GRIK2: variants seen among roughly 807,000 people sequenced by gnomAD.
GRIK2 encodes glutamate receptor ionotropic, kainate 2.
Under a neutral mutation model 100.3 loss-of-function variants are expected in GRIK2, and 32 were observed. The observed-to-expected ratio is 0.32, with a 90% CI of 0.24 to 0.43. The LOEUF (loss-of-function observed/expected upper bound fraction) is 0.43. Among genes scored for constraint, GRIK2 ranks in the 20% least tolerant of loss-of-function variants. GRIK2 has a pLI of 1.00. For synonymous variants in GRIK2, 417 were observed against 389.4 expected, an observed-to-expected ratio of 1.07 and a Z score of -0.83; for missense variants, 843 against 1,114.9, an observed-to-expected ratio of 0.76 and a Z score of 3.47.
intron 14 of GRIK2, among the ~76,000 whole-genome samples, chr6:102,014,793 T>C (rs1795745827): frequency 6.6e-6 from 1 of 152,144 alleles, no homozygotes. Context: ...CTGTGGTCCC[T>C]GAGAGTGGTT....
intron 7 of GRIK2, among the ~76,000 whole-genome samples, chr6:101,751,591 A>G (rs1776790418): frequency 6.6e-6 from 1 of 152,030 alleles, no homozygotes; most frequent in South Asian, 2.1e-4. Flanking sequence ...CAATTGCCTT[A>G]CAAACTTCAT....
At chr6:101,969,270 C>G (rs1387880256) in intron 14 of GRIK2, among the ~76,000 whole-genome samples, 2 of 151,944 alleles carry the variant, frequency 1.3e-5, no homozygotes, top group Non-Finnish European at 2.9e-5. Context: ...AAGAATGTAA[C>G]ACTTTTCCTT....
intron 16 of GRIK2, among the ~76,000 whole-genome samples, chr6:102,064,413 C>CTTT (rs1771912652): frequency 2.8e-5 from 4 of 141,018 alleles, no homozygotes; most frequent in Non-Finnish European, 6.2e-5. Context: ...CTCCCTCCCT[C>CTTT]CTTTCTTTCT....
At chr6:101,727,504 T>A (rs1774953489) in intron 7 of GRIK2, among the ~76,000 whole-genome samples, 1 of 152,102 alleles carries the variant, frequency 6.6e-6, no homozygotes, top group African/African-American at 2.4e-5. Context: ...CTGGTCAACT[T>A]CCTACAGCTC....
At chr6:101,397,249 T>A (rs558122648) in intron 1 of GRIK2, among the ~76,000 whole-genome samples, 2 of 152,172 alleles carry the variant, frequency 1.3e-5, no homozygotes. Context: ...AAGGATTATT[T>A]TTTTCCCCTG....
At position 101,744,695 on chromosome 6, in the gene GRIK2, C is replaced by T. The variant is rs184263097; in HGVS notation, c.952-54953C>T. 1,291 of 153,392 alleles carry T rather than the reference C, an allele frequency of 8.4e-3. 10 individuals carry two copies. Among genetic ancestry groups the T allele is most frequent in the Non-Finnish European group, 0.014 (957 of 69,334 alleles). 9.5% of individuals were successfully genotyped at this position (153,392 alleles called of 1,614,324 possible). Reference sequence around the variant, plus strand: ...CTGGGTTCAAGCGATTCTTCTGCCTCAGCCTCCCGAGTAGCTGAGATTACA... The same window carrying T: ...CTGGGTTCAAGCGATTCTTCTGCCTTAGCCTCCCGAGTAGCTGAGATTACA... On this transcript the variant is annotated intron_variant, in intron 7 of 16. Coordinates refer to ENST00000369134, the MANE Select transcript of GRIK2 (RefSeq NM_021956.5).
chr6:101,840,206 T>A (rs1038779492), intron 10 of GRIK2, among the ~76,000 whole-genome samples: 10 of 152,190 alleles, frequency 6.6e-5, no homozygotes, highest in African/African-American at 2.4e-4. Context: ...ATTAAAAGAA[T>A]AAAATGTCCT....
At chr6:102,027,360 T>C (rs2114391979) in intron 14 of GRIK2, among the ~76,000 whole-genome samples, 1 of 151,316 alleles carries the variant, frequency 6.6e-6, no homozygotes, top group African/African-American at 2.4e-5. Context: ...GGTAAAACTT[T>C]TATTTATAAA....
At chr6:101,800,196 G>A (rs1214641005) in intron 8 of GRIK2, among the ~76,000 whole-genome samples, 2 of 151,904 alleles carry the variant, frequency 1.3e-5, no homozygotes. Context: ...TCCTAAATAT[G>A]TCTAGTTATT....
chr6:101,637,871 A>G (rs1256752542), intron 4 of GRIK2, among the ~76,000 whole-genome samples: 2 of 152,150 alleles, frequency 1.3e-5, no homozygotes, highest in South Asian at 2.1e-4. Flanking sequence ...TTTGCTGTGC[A>G]CAAGTTGTCC....
chr6:101,413,211 C>G (rs1450350320), intron 2 of GRIK2, among the ~76,000 whole-genome samples: 3 of 151,988 alleles, frequency 2.0e-5, no homozygotes, highest in African/African-American at 7.2e-5. Flanking sequence ...TAACAAACCC[C>G]TATTTAAACC....
chr6:101,927,499 G>A (rs1789978589), intron 13 of GRIK2, among the ~76,000 whole-genome samples: 1 of 151,940 alleles, frequency 6.6e-6, no homozygotes, highest in African/African-American at 2.4e-5. Flanking sequence ...CACACATACT[G>A]ATATATGTTT....
At chr6:101,687,884 A>G (rs1771812592) in intron 7 of GRIK2, among the ~76,000 whole-genome samples, 1 of 151,410 alleles carries the variant, frequency 6.6e-6, no homozygotes, top group Admixed American at 6.6e-5. Context: ...TTTCCTTCAA[A>G]GTGGAGCCAG....
At chr6:102,052,656 C>T (rs1171705960) in intron 15 of GRIK2, among the ~76,000 whole-genome samples, 1 of 152,136 alleles carries the variant, frequency 6.6e-6, no homozygotes, top group Non-Finnish European at 1.5e-5. Context: ...ATATTATATT[C>T]TTTCAATAGT....
chr6:101,398,546 T>C (rs1775110646), intron 1 of GRIK2, among the ~76,000 whole-genome samples: 1 of 152,248 alleles, frequency 6.6e-6, no homozygotes, highest in South Asian at 2.1e-4. Flanking sequence ...CTTAGATCAC[T>C]TTCTTTTTTA....
intron 2 of GRIK2, among the ~76,000 whole-genome samples, chr6:101,587,077 GGATT>G (rs1300907166): frequency 6.6e-6 from 1 of 151,688 alleles, no homozygotes; most frequent in East Asian, 1.9e-4. Flanking sequence ...TTTGTTGAAT[GGATT>G]GATATGTATA....
At chr6:101,599,901 T>A (rs1201834978) in intron 2 of GRIK2, among the ~76,000 whole-genome samples, 1 of 151,828 alleles carries the variant, frequency 6.6e-6, no homozygotes, top group African/African-American at 2.4e-5. Context: ...AGCTCCTTAA[T>A]TTAATTAAGT....
chr6:101,776,204 T>C (rs1031268914), intron 7 of GRIK2, among the ~76,000 whole-genome samples: 13 of 152,136 alleles, frequency 8.5e-5, no homozygotes, highest in Non-Finnish European at 1.5e-4. Flanking sequence ...GACCATAATA[T>C]AAATATTGGC....
chr6:101,650,489 A>C (rs188777256), intron 4 of GRIK2, among the ~76,000 whole-genome samples: 1 of 152,250 alleles, frequency 6.6e-6, no homozygotes, highest in East Asian at 1.9e-4. Flanking sequence ...TGTTTCATCC[A>C]TAATCAGCTG....
Sources: allele counts gnomAD v4.1 joint callset (sites outside exome capture counted in the v4.1 genomes callset), GRCh38; gene constraint gnomAD v4.1.1; transcripts MANE v1.5; gene names NCBI Gene and HGNC (gene_info 2026-07-23, HGNC 2026-07-21).